BTRC: variants seen among roughly 807,000 people sequenced by gnomAD.
BTRC encodes beta-transducin repeat containing E3 ubiquitin protein ligase.
BTRC carries 42 observed loss-of-function variants against 85.5 expected under a neutral mutation model. That is an observed-to-expected ratio of 0.49 (90% CI 0.38 to 0.64). The LOEUF (loss-of-function observed/expected upper bound fraction) is 0.64. BTRC is among the 30% of genes least tolerant of loss of function. The probability of loss-of-function intolerance (pLI) is 0.00; values close to 1 mark genes in which losing one functional copy is unlikely to be tolerated. For synonymous variants in BTRC, 255 were observed against 263.3 expected, an observed-to-expected ratio of 0.97 and a Z score of 0.30; for missense variants, 594 against 743.5, an observed-to-expected ratio of 0.80 and a Z score of 2.34.
intron 1 of BTRC, among the ~76,000 whole-genome samples, chr10:101,403,364 GGCAGCC>G (rs890221944): frequency 1.1e-4 from 17 of 152,142 alleles, no homozygotes; most frequent in Admixed American, 6.5e-5. Flanking sequence ...TAGGACACAA[GGCAGCC>G]GCCCTTGCAT....
intron 13 of BTRC, among the ~76,000 whole-genome samples, chr10:101,544,621 G>T (rs1001394069): frequency 6.6e-6 from 1 of 151,944 alleles, no homozygotes; most frequent in Non-Finnish European, 1.5e-5. Flanking sequence ...GCCCAGACTG[G>T]TCTTGAACTC....
intron 6 of BTRC, among the ~76,000 whole-genome samples, chr10:101,529,335 A>C (rs1452129491): frequency 1.3e-5 from 2 of 152,234 alleles, no homozygotes; most frequent in East Asian, 3.8e-4. Context: ...TCAGAAGCTT[A>C]TGTGAGTTCT....
intron 3 of BTRC, among the ~76,000 whole-genome samples, chr10:101,463,577 A>G (rs1405727319): frequency 1.3e-5 from 2 of 152,204 alleles, no homozygotes; most frequent in Non-Finnish European, 2.9e-5. Flanking sequence ...TCTAGGAAAT[A>G]GGAGATCTAA....
At chr10:101,507,149 G>A (rs1012354789) in intron 4 of BTRC, among the ~76,000 whole-genome samples, 2 of 152,032 alleles carry the variant, frequency 1.3e-5, no homozygotes, top group African/African-American at 4.8e-5. Context: ...GTATCACTGG[G>A]GCTTTTTTCC....
chr10:101,476,065 T>C (rs1437009967), intron 3 of BTRC, among the ~76,000 whole-genome samples: 1 of 151,550 alleles, frequency 6.6e-6, no homozygotes, highest in African/African-American at 2.4e-5. Flanking sequence ...TACCTTCTGA[T>C]TTGATGCAGT....
At chr10:101,482,736 A>G (rs1305152680) in intron 4 of BTRC, among the ~76,000 whole-genome samples, 1 of 151,952 alleles carries the variant, frequency 6.6e-6, no homozygotes. Context: ...TTTGAATGGA[A>G]TGACTTGTCA....
chr10:101,423,565 C>T (rs1368657523), intron 1 of BTRC, among the ~76,000 whole-genome samples: 1 of 152,168 alleles, frequency 6.6e-6, no homozygotes, highest in Non-Finnish European at 1.5e-5. Context: ...AGAGTGTAAA[C>T]TACTTGAGTC....
At chr10:101,470,983 TG>T (rs1490391309) in intron 3 of BTRC, among the ~76,000 whole-genome samples, 1 of 152,164 alleles carries the variant, frequency 6.6e-6, no homozygotes, top group African/African-American at 2.4e-5. Context: ...GAGCAGTGGG[TG>T]ACAGTGCCTA....
intron 1 of BTRC, among the ~76,000 whole-genome samples, chr10:101,418,192 C>A (rs913321818): frequency 6.6e-6 from 1 of 152,024 alleles, no homozygotes; most frequent in Non-Finnish European, 1.5e-5. Context: ...TATGGTGAAA[C>A]TCCATCTCTA....
At chr10:101,434,841 G>T (rs1327277645) in intron 2 of BTRC, among the ~76,000 whole-genome samples, 1 of 151,072 alleles carries the variant, frequency 6.6e-6, no homozygotes, top group Non-Finnish European at 1.5e-5. Flanking sequence ...AGCCATGTTG[G>T]CCAGGCTGTT....
chr10:101,548,380 A>G (rs1027447338), intron 13 of BTRC, among the ~76,000 whole-genome samples: 2 of 152,266 alleles, frequency 1.3e-5, no homozygotes, highest in Non-Finnish European at 2.9e-5. Flanking sequence ...ACAGTGGAAT[A>G]TCAACCAGTA....
intron 1 of BTRC, chr10:101,364,734 A>G (rs1445798965): frequency 1.3e-5 from 2 of 152,174 alleles, no homozygotes; most frequent in Non-Finnish European, 2.9e-5. Flanking sequence ...ATTATGGGTA[A>G]TATTTCAAAA....
intron 4 of BTRC, among the ~76,000 whole-genome samples, chr10:101,497,533 A>G (rs997604137): frequency 3.3e-5 from 5 of 152,236 alleles, no homozygotes; most frequent in African/African-American, 1.2e-4. Flanking sequence ...CCCTGTCTCT[A>G]CAAATAAAAA....
In BTRC at chr10:101,405,690, AT is replaced by A. The variant is rs770414808; in HGVS notation, c.49-24652del. ...AATAGTTGTTCTATATGTTCTGTCC[AT>A]TTCTTAGTGGTTGCCTTCAGTGGGA... On this transcript the variant is annotated intron_variant, in intron 1 of 14. Transcript: ENST00000370187. Among the ~76,000 whole-genome samples, 44 of 152,102 alleles carry A rather than the reference AT, an allele frequency of 2.9e-4. 1 individual carries two copies. Among genetic ancestry groups the A allele is most frequent in the Admixed American group, 2.0e-3 (30 of 15,286 alleles).
At chr10:101,470,809 G>T (rs1445356587) in intron 3 of BTRC, among the ~76,000 whole-genome samples, 1 of 152,046 alleles carries the variant, frequency 6.6e-6, no homozygotes, top group Non-Finnish European at 1.5e-5. Flanking sequence ...GTAGAGTTTG[G>T]GCTTCATTAT....
intron 4 of BTRC, among the ~76,000 whole-genome samples, chr10:101,521,039 A>G (rs1564822364): frequency 6.6e-6 from 1 of 152,134 alleles, no homozygotes; most frequent in Non-Finnish European, 1.5e-5. Flanking sequence ...AAGCCAAGGC[A>G]GGAAAATTGC....
chr10:101,545,042 C>T (rs2062538321), intron 13 of BTRC, among the ~76,000 whole-genome samples: 1 of 151,106 alleles, frequency 6.6e-6, no homozygotes, highest in African/African-American at 2.4e-5. Flanking sequence ...GAGAATGAGA[C>T]CCTGTCTCAA....
chr10:101,481,354 C>T (rs1381661554), intron 4 of BTRC, among the ~76,000 whole-genome samples: 1 of 152,030 alleles, frequency 6.6e-6, no homozygotes, highest in East Asian at 1.9e-4. Context: ...TTTGGCCATG[C>T]TGCTCTTAGT....
chr10:101,523,785 C>T (rs2062153567), intron 5 of BTRC, among the ~76,000 whole-genome samples: 1 of 152,114 alleles, frequency 6.6e-6, no homozygotes, highest in Non-Finnish European at 1.5e-5. Flanking sequence ...TCAAAACATA[C>T]TTTTCAGTTG....
Sources: gnomAD v4.1 joint callset for allele counts (sites outside exome capture counted in the v4.1 genomes callset) on GRCh38, gnomAD v4.1.1 for gene constraint, MANE v1.5 for transcripts, NCBI Gene and HGNC (gene_info 2026-07-23, HGNC 2026-07-21) for gene names.